The following ERC1 variants were observed in gnomAD, a reference collection of about 807,000 sequenced individuals.
ERC1 encodes RAB6 interacting protein 2.
ERC1 carries 56 observed loss-of-function variants against 132.0 expected under a neutral mutation model. The observed-to-expected ratio is 0.42, with a 90% confidence interval of 0.34 to 0.53. The LOEUF is 0.53. Among genes scored for constraint, ERC1 ranks in the 20% least tolerant of loss-of-function variants. ERC1 has a pLI of 0.03. For synonymous variants in ERC1, 478 were observed against 476.1 expected (o/e 1.00, Z -0.05); for missense variants, 1,202 against 1,349.9 (o/e 0.89, Z 1.72).
chr12:1,442,735 A>G (rs552171201), intron 17 of ERC1, among the ~76,000 whole-genome samples: 1 of 152,308 alleles, frequency 6.6e-6, no homozygotes, highest in South Asian at 2.1e-4. Context: ...CAGCCATGAA[A>G]AACATAGTTT....
At chr12:1,328,545 C>A (rs539562365) in intron 15 of ERC1, among the ~76,000 whole-genome samples, 1 of 149,536 alleles carries the variant, frequency 6.7e-6, no homozygotes. Flanking sequence ...CGAAGCCTGA[C>A]GTTGAAGGTT....
At chr12:1,139,847 G>A (rs964653041) in intron 7 of ERC1, among the ~76,000 whole-genome samples, 1 of 152,038 alleles carries the variant, frequency 6.6e-6, no homozygotes, top group African/African-American at 2.4e-5. Flanking sequence ...TGGACAAAGG[G>A]TAGATTTAGT....
At chr12:1,168,435 T>TTTATGG (rs2154264489) in intron 8 of ERC1, among the ~76,000 whole-genome samples, 1 of 152,042 alleles carries the variant, frequency 6.6e-6, no homozygotes, top group African/African-American at 2.4e-5. Flanking sequence ...ATTTGGCACT[T>TTTATGG]CTATAAAGCA....
chr12:1,038,493 TG>T (rs1969543850), intron 2 of ERC1, among the ~76,000 whole-genome samples: 1 of 152,054 alleles, frequency 6.6e-6, no homozygotes, highest in African/African-American at 2.4e-5. Context: ...CCCAAGCAGC[TG>T]GGATTACAGG....
At chr12:1,439,767 C>A (rs898914177) in intron 17 of ERC1, among the ~76,000 whole-genome samples, 1 of 152,196 alleles carries the variant, frequency 6.6e-6, no homozygotes, top group African/African-American at 2.4e-5. Flanking sequence ...AAAGTTATAA[C>A]TTACGGGTCC....
intron 16 of ERC1, among the ~76,000 whole-genome samples, chr12:1,401,230 A>G (rs78994909): frequency 0.047 from 7,093 of 152,068 alleles, 503 homozygotes; most frequent in African/African-American, 0.15. Flanking sequence ...CACCGCGCCC[A>G]GCCCTATTTT....
At chr12:1,079,315 G>T (rs984850288) in intron 2 of ERC1, among the ~76,000 whole-genome samples, 3 of 147,646 alleles carry the variant, frequency 2.0e-5, no homozygotes, top group Non-Finnish European at 4.5e-5. Context: ...AGATAGAAAT[G>T]ATTTGTAATA....
intron 18 of ERC1, among the ~76,000 whole-genome samples, chr12:1,476,980 G>C (rs910274473): frequency 1.3e-5 from 2 of 152,078 alleles, no homozygotes; most frequent in Non-Finnish European, 2.9e-5. Context: ...TGGGTGAAAA[G>C]AACAATTCAG....
intron 7 of ERC1, among the ~76,000 whole-genome samples, chr12:1,126,057 T>G (rs1948127093): frequency 6.6e-6 from 1 of 152,194 alleles, no homozygotes; most frequent in African/African-American, 2.4e-5. Context: ...GGAGATTGGT[T>G]GCACAACAGT....
chr12:1,388,720 T>C (rs74057201), intron 16 of ERC1, among the ~76,000 whole-genome samples: 2,711 of 152,296 alleles, frequency 0.018, 86 homozygotes, highest in African/African-American at 0.063. Context: ...AAGAAGATGG[T>C]AAGATTAAAA....
chr12:1,026,122 T>C (rs994228438), intron 1 of ERC1, among the ~76,000 whole-genome samples: 2 of 152,194 alleles, frequency 1.3e-5, no homozygotes, highest in Non-Finnish European at 2.9e-5. Context: ...GGACTCTCAG[T>C]TCCACATGGC....
chr12:1,413,930 A>G (rs576534296), intron 17 of ERC1, among the ~76,000 whole-genome samples: 13 of 152,308 alleles, frequency 8.5e-5, no homozygotes, highest in African/African-American at 3.1e-4. Context: ...GTTTTTCCAC[A>G]ACGGGGGCTT....
chr12:1,182,864 G>A (rs535292796), intron 10 of ERC1, among the ~76,000 whole-genome samples: 1 of 152,064 alleles, frequency 6.6e-6, no homozygotes, highest in South Asian at 2.1e-4. Context: ...ACAGGGTCTT[G>A]CTATGTTGCC....
At chr12:1,174,005 T>G (rs998964741) in intron 8 of ERC1, among the ~76,000 whole-genome samples, 3 of 151,008 alleles carry the variant, frequency 2.0e-5, no homozygotes, top group Non-Finnish European at 2.9e-5. Context: ...TGATGCTGCA[T>G]TCAGTGGGGC....
chr12:1,161,626 A>G (rs924382396), intron 8 of ERC1, among the ~76,000 whole-genome samples: 15 of 152,210 alleles, frequency 9.9e-5, no homozygotes, highest in Non-Finnish European at 1.9e-4. Context: ...CCTCTGTCCC[A>G]GAAGATTTTC....
chr12:1,290,051 G>C, intron 15 of ERC1, 39 bp downstream of exon 15: 1 of 1,572,368 alleles, frequency 6.4e-7, no homozygotes, highest in Non-Finnish European at 8.7e-7. Context: ...CATATGCTTA[G>C]TGGAAATACT....
chr12:1,373,564 G>A (rs1407500086), intron 16 of ERC1, among the ~76,000 whole-genome samples: 1 of 152,224 alleles, frequency 6.6e-6, no homozygotes, highest in African/African-American at 2.4e-5. Context: ...GGTGGATCAT[G>A]AGGTCAGGAA....
At chr12:1,141,370 A>T (rs1190429814) in intron 7 of ERC1, among the ~76,000 whole-genome samples, 1 of 152,190 alleles carries the variant, frequency 6.6e-6, no homozygotes, top group African/African-American at 2.4e-5. Flanking sequence ...TGAATCAGAG[A>T]CTAAGGGCTT....
rs1183326489 is a variant in ERC1 at position 1,346,889 on chromosome 12, C to T, written c.2781-24944C>T. Among the ~76,000 whole-genome samples, 5 of 149,382 alleles carry T rather than the reference C, an allele frequency of 3.3e-5. No homozygotes were observed. In the South Asian group the frequency reaches 1.0e-3, roughly 31 times the overall value. ...CCCGGGAAGCGGAGCTTGCAGTGAGCCGAGATTGCGCCACTGCAGTCCGCA... is the reference window on the plus strand; with the variant it reads ...CCCGGGAAGCGGAGCTTGCAGTGAGTCGAGATTGCGCCACTGCAGTCCGCA... On this transcript the variant is annotated intron_variant, in intron 15 of 18. Transcript: ENST00000360905.
Sources: gnomAD v4.1 joint callset for allele counts (sites outside exome capture counted in the v4.1 genomes callset) on GRCh38, gnomAD v4.1.1 for gene constraint, MANE v1.5 for transcripts, NCBI Gene and HGNC (gene_info 2026-07-23, HGNC 2026-07-21) for gene names.